TTF2: variants seen among roughly 807,000 people sequenced by gnomAD.
TTF2 encodes RNA polymerase II termination factor.
Under a neutral mutation model 142.4 loss-of-function variants are expected in TTF2, and 108 were observed. That is an observed-to-expected ratio of 0.76 (90% CI 0.65 to 0.89). The LOEUF (loss-of-function observed/expected upper bound fraction) is 0.89. Ranked by LOEUF, TTF2 falls within the 40% of genes least tolerant of loss-of-function variation. The pLI, the probability that TTF2 is intolerant of heterozygous loss-of-function variation, is 0.00. For synonymous variants in TTF2, 483 were observed against 506.2 expected (o/e 0.95, Z 0.61); for missense variants, 1,327 against 1,379.8 (o/e 0.96, Z 0.61).
Position 117,090,077 on chromosome 1 carries a change from G to A in TTF2, c.2365G>A (p.Asp789Asn). ...AAGGTTTCTCCGTTGCTCTCCATTT[G>A]ATGAGTTCAATCTGTGGAGGAGTCA... ...LLKFLRCSPF[D>N]EFNLWRSQVD... Residue 789 changes from aspartate (D) to asparagine (N), a missense_variant, in exon 14 of 23, where the codon GAT (aspartate) becomes AAT (asparagine). Transcript: ENST00000369466. This position sits in a 1 kb window ranked among gnomAD's most constrained non-coding sequence, Gnocchi z 4.8. The A allele has an allele frequency of 6.2e-7, 1 of 1,613,752 alleles. No individual in the cohort carries two copies. Among genetic ancestry groups the A allele is most frequent in the Non-Finnish European group, 8.5e-7 (1 of 1,179,788 alleles).
rs923339179 is a variant in TTF2 at position 117,069,144 on chromosome 1, G to A, written c.219-4517G>A. Among the ~76,000 whole-genome samples the A allele has an allele frequency of 2.6e-4, 39 of 151,878 alleles. No individual in the cohort carries two copies. The Middle Eastern group carries it at 0.014, about 53-fold the overall frequency. On this transcript the variant is annotated intron_variant, in intron 3 of 22. Coordinates refer to ENST00000369466, the MANE Select transcript of TTF2 (RefSeq NM_003594.4). ...ACATTTTTTTCCATCTTGAAAGTTC[G>A]TGTAAAAGAATGAGGTAGACATTCG...
chr1:117,082,689 G>A (rs1647629887), intron 10 of TTF2, among the ~76,000 whole-genome samples: 1 of 152,084 alleles, frequency 6.6e-6, no homozygotes, highest in African/African-American at 2.4e-5. Flanking sequence ...CTTAACATAT[G>A]TTTTTAAAAT....
rs1156341146 is a variant in TTF2 at position 117,062,473 on chromosome 1, G to A, written c.218G>A (p.Arg73Lys). ...CTGCCACAGGACAAGAAAGAATACA[G>A]GTAAGGGTCCAAAAGGAACATCTAA... ...LLLPQDKKEY[R>K]LFFRCIRSKA... The change falls in exon 3 of 23, where the codon AGA becomes AAA. Residue 73 changes from arginine to lysine, a missense_variant and splice_region_variant. By Grantham distance (26) the Arg-to-Lys change is conservative (BLOSUM62 2). Transcript: ENST00000369466. 1.7e-5 allele frequency: 27 copies of A among 1,609,954 alleles called. No individual in the cohort carries two copies. Among genetic ancestry groups the A allele is most frequent in the Middle Eastern group, 1.6e-4 (1 of 6,064 alleles).
rs1208723600 is a variant in TTF2, at chr1:117,073,777, A to G, written c.285+50A>G. 4.5e-6 allele frequency: 7 copies of G among 1,539,040 alleles called. No individual in the cohort carries two copies. The South Asian group carries it at 4.6e-5, about 10-fold the overall frequency. Reference sequence around the variant, plus strand: ...AACCTGCTGTGTTAAGACTTTTAATATGCAGCATCACCTGAAAATACCTTG... The same window carrying G: ...AACCTGCTGTGTTAAGACTTTTAATGTGCAGCATCACCTGAAAATACCTTG... On this transcript the variant is annotated intron_variant, in intron 4 of 22. Coordinates refer to ENST00000369466, the MANE Select transcript of TTF2 (RefSeq NM_003594.4). This position sits in a 1 kb window ranked among gnomAD's most constrained non-coding sequence, Gnocchi z 4.4.
At position 117,099,074 on chromosome 1, in the gene TTF2, C is replaced by A. The variant is rs1367802658; in HGVS notation, c.3344+167C>A. On this transcript the variant is annotated intron_variant, in intron 22 of 22. Transcript: ENST00000369466. This position sits in a 1 kb window ranked among gnomAD's most constrained non-coding sequence, Gnocchi z 4.3. Reference sequence around the variant, plus strand: ...AAACCACAGTCAGGAGAAAAACGAGCAATTTGGGGTAAGCTTGAAGTTGGT... The same window carrying A: ...AAACCACAGTCAGGAGAAAAACGAGAAATTTGGGGTAAGCTTGAAGTTGGT... Among the ~76,000 whole-genome samples, 1 of 152,000 alleles carries A rather than the reference C, an allele frequency of 6.6e-6. No individual in the cohort carries two copies. The highest frequency in any genetic ancestry group is 1.5e-5 in the Non-Finnish European group (1 of 68,018).
At position 117,091,356 on chromosome 1, in the gene TTF2, C is replaced by T; in HGVS notation, c.2617C>T (p.His873Tyr). 30 of 1,613,194 alleles carry T rather than the reference C, an allele frequency of 1.9e-5. No homozygotes were observed. The highest frequency in any genetic ancestry group is 2.5e-5 in the Non-Finnish European group (30 of 1,179,842). The change falls in exon 16 of 23, where the codon CAT (histidine) becomes TAT (tyrosine). Residue 873 changes from histidine (H) to tyrosine (Y), a missense_variant. Transcript: ENST00000369466. ...AGCTCTGCAATCCTATCTAAAAAGACATGAAAGTAGAGGCAACCAATCTGG... is the reference window on the plus strand; with the variant it reads ...AGCTCTGCAATCCTATCTAAAAAGATATGAAAGTAGAGGCAACCAATCTGG... Reference protein sequence around the residue: ...RSALQSYLKRHESRGNQSGRS... With the variant: ...RSALQSYLKRYESRGNQSGRS...
chr1:117,103,608 G>C lies in TTF2; in HGVS notation c.*2084G>C, dbSNP rs1649746052. ...GCCTGGTGGGAAGAATTCTAGTCTA[G>C]AACGTTTGAGATTTGACTCTAGTTC... On this transcript the variant is annotated 3_prime_UTR_variant, in exon 23 of 23. Transcript: ENST00000369466. 2 of 152,216 alleles carry C rather than the reference G, an allele frequency of 1.3e-5. No homozygotes were observed. The highest frequency in any genetic ancestry group is 2.9e-5 in the Non-Finnish European group (2 of 68,042). The allele number at this position is 152,216 out of a possible 1,614,324, so 9.4% of individuals were successfully genotyped here. A position where few individuals can be genotyped will look rare whatever the true frequency, so the allele number is the denominator to read the frequency against.
In TTF2 at chr1:117,060,436, C is replaced by T. The variant is rs905435233; in HGVS notation, c.29-19C>T. On this transcript the variant is annotated intron_variant, in intron 1 of 22. Coordinates refer to ENST00000369466, the MANE Select transcript of TTF2 (RefSeq NM_003594.4). The stretch of plus-strand genomic sequence containing the variant: ...GATTTAGCGTGGCGTAATCGTTGTT[C>T]ACTTTCTTCTCTCTTCAGGGACTTT... The T allele has an allele frequency of 9.9e-6, 16 of 1,611,480 alleles. No individual in the cohort carries two copies. The African/African-American group carries it at 1.6e-4, about 16-fold the overall frequency.
intron 20 of TTF2, among the ~76,000 whole-genome samples, chr1:117,096,698 T>C (rs763793914): frequency 1.3e-5 from 2 of 152,244 alleles, no homozygotes; most frequent in East Asian, 3.8e-4. Context: ...AATTCTGATA[T>C]GGCAACTTAA....
rs933189458 is a variant in TTF2 at position 117,087,194 on chromosome 1, C to T, written c.2160+672C>T. Among the ~76,000 whole-genome samples the T allele has an allele frequency of 2.0e-5, 3 of 152,200 alleles. No homozygotes were observed. Among genetic ancestry groups the T allele is most frequent in the Admixed American group, 2.0e-4 (3 of 15,276 alleles). ...TCTAGAACATTTCTCCAGCTTATAA[C>T]CAACTCTGACTTATAGATGATGAAC... On this transcript the variant is annotated intron_variant, in intron 12 of 22. Transcript: ENST00000369466. The surrounding 1 kb of genome is among the most constrained non-coding windows in gnomAD (Gnocchi z 4.8).
At chr1:117,083,772 A>ATAT (rs1491469763) in intron 10 of TTF2, among the ~76,000 whole-genome samples, 1 of 152,192 alleles carries the variant, frequency 6.6e-6, no homozygotes, top group African/African-American at 2.4e-5. Context: ...ATGGTTAAAC[A>ATAT]TATTAATTGA....
In TTF2 at chr1:117,075,065, C is replaced by A; in HGVS notation, c.481C>A (p.Gln161Lys). 1 of 1,613,882 alleles carries A rather than the reference C, an allele frequency of 6.2e-7. No individual in the cohort carries two copies. Among genetic ancestry groups the A allele is most frequent in the Non-Finnish European group, 8.5e-7 (1 of 1,179,956 alleles). ...TAAGAAGCAAAGAGAAAAGGGAGAT[C>A]AGCTTTTCGATCAAAAGAAAGAACA... is the stretch of plus-strand genomic sequence containing the variant. ...ADKKQREKGD[Q>K]LFDQKKEQKP... Residue 161 changes from glutamine (Q) to lysine (K), a missense_variant, in exon 5 of 23, where the codon CAG becomes AAG. Transcript: ENST00000369466. The surrounding 1 kb of genome is among the most constrained non-coding windows in gnomAD (Gnocchi z 4.5).
chr1:117,082,981 G>A (rs1478950991), intron 10 of TTF2, among the ~76,000 whole-genome samples: 9 of 152,076 alleles, frequency 5.9e-5, no homozygotes, highest in African/African-American at 2.2e-4. Flanking sequence ...GGTGGCTCAC[G>A]CCTGTAATCC....
rs1648269150 is a variant in TTF2, at chr1:117,088,784, A to G, written c.2161-17A>G. ...TTTTCCCATATTGTGGCTGGATTTC[A>G]CTTGTGATTCTTCCAGGGCACCTCA... On this transcript the variant is annotated splice_polypyrimidine_tract_variant and intron_variant, in intron 12 of 22. Coordinates refer to ENST00000369466, the MANE Select transcript of TTF2 (RefSeq NM_003594.4). 1 of 1,610,386 alleles carries G rather than the reference A, an allele frequency of 6.2e-7. No homozygotes were observed.
chr1:117,097,525 T>C lies in TTF2; in HGVS notation c.3269+92T>C. Reference sequence around the variant, plus strand: ...GCAAGAACTGACTTCTTATGTTGATTGCTGTGTTCGTATTGCAGAGATGCC... The same window carrying C: ...GCAAGAACTGACTTCTTATGTTGATCGCTGTGTTCGTATTGCAGAGATGCC... On this transcript the variant is annotated intron_variant, in intron 21 of 22. Coordinates refer to ENST00000369466, the MANE Select transcript of TTF2 (RefSeq NM_003594.4). This position sits in a 1 kb window ranked among gnomAD's most constrained non-coding sequence, Gnocchi z 4.1. 2 of 1,165,588 alleles carry C rather than the reference T, an allele frequency of 1.7e-6. No homozygotes were observed. The highest frequency in any genetic ancestry group is 2.6e-6 in the Non-Finnish European group (2 of 772,626). 72.2% of individuals were successfully genotyped at this position (1,165,588 alleles called of 1,614,324 possible). A position where few individuals can be genotyped will look rare whatever the true frequency, so the allele number is the denominator to read the frequency against.
rs1483879999 is a variant in TTF2, at chr1:117,100,539, G to A, written c.3345-841G>A. Among the ~76,000 whole-genome samples, 5 of 152,096 alleles carry A rather than the reference G, an allele frequency of 3.3e-5. No individual in the cohort carries two copies. The East Asian group carries it at 9.7e-4, about 29-fold the overall frequency. On this transcript the variant is annotated intron_variant, in intron 22 of 22. Coordinates refer to ENST00000369466, the MANE Select transcript of TTF2 (RefSeq NM_003594.4). The surrounding 1 kb of genome is among the most constrained non-coding windows in gnomAD (Gnocchi z 4.6). The stretch of plus-strand genomic sequence containing the variant: ...GACATGCACCACCACCCGTGATCTG[G>A]CCCTACCAGCCTCTTGAGCTTTTGC...
chr1:117,107,407 T>C lies in TTF2; in HGVS notation c.*5883T>C, dbSNP rs1018378610. On this transcript the variant is annotated 3_prime_UTR_variant, in exon 23 of 23. Transcript: ENST00000369466. ...ACTTCATCTACATAAAGTTGTCCAA[T>C]CACTGAAACCTCCAACTGAAATAAA... The C allele has an allele frequency of 6.6e-5, 10 of 152,236 alleles. No individual in the cohort carries two copies. The highest frequency in any genetic ancestry group is 2.4e-4 in the African/African-American group (10 of 41,450). The allele number at this position is 152,236 out of a possible 1,614,324, so 9.4% of individuals were successfully genotyped here.
At chr1:117,084,397 G>T (rs763598632) in intron 11 of TTF2, among the ~76,000 whole-genome samples, 1 of 152,310 alleles carries the variant, frequency 6.6e-6, no homozygotes. Flanking sequence ...GCCCTGTGAG[G>T]AGGCCTGAGA....
chr1:117,106,308 G>A lies in TTF2; in HGVS notation c.*4784G>A, dbSNP rs892618400. ...AAAAGCAAACCCAGCCTAACTCCCA[G>A]GGAGGGAAGAGGGGCGACAGATATG... On this transcript the variant is annotated 3_prime_UTR_variant, in exon 23 of 23. Transcript: ENST00000369466. The A allele has an allele frequency of 1.3e-5, 2 of 150,802 alleles. No homozygotes were observed. The highest frequency in any genetic ancestry group is 4.9e-5 in the African/African-American group (2 of 41,036). The allele number at this position is 150,802 out of a possible 1,614,324, so 9.3% of individuals were successfully genotyped here.
Sources: gnomAD v4.1 joint callset for allele counts (sites outside exome capture counted in the v4.1 genomes callset) on GRCh38, gnomAD v4.1.1 for gene constraint, Gnocchi (gnomAD v3.1) non-coding constraint, MANE v1.5 for transcripts, NCBI Gene and HGNC (gene_info 2026-07-23, HGNC 2026-07-21) for gene names.